Variants in ZNF536 observed in about 807,000 individuals in gnomAD.
The protein encoded by ZNF536 is zinc finger protein 536.
A neutral mutation model predicts 84.5 loss-of-function variants in ZNF536; 13 were observed. The ratio of observed to expected loss-of-function variants is 0.15; its 90% CI spans 0.10 to 0.24. The LOEUF is 0.24. Among genes scored for constraint, ZNF536 ranks in the 10% least tolerant of loss-of-function variants. The probability of loss-of-function intolerance (pLI) is 1.00; values close to 1 mark genes in which losing one functional copy is unlikely to be tolerated. For synonymous variants in ZNF536, 811 were observed against 742.5 expected (o/e 1.09, Z -1.50); for missense variants, 1,536 against 1,747.5 (o/e 0.88, Z 2.16).
chr19:30,533,761 G>T (rs967443874), intron 2 of ZNF536, among the ~76,000 whole-genome samples: 1 of 152,188 alleles, frequency 6.6e-6, no homozygotes, highest in Non-Finnish European at 1.5e-5. Context: ...AGGCCTAGAG[G>T]GTGGGCTGGA....
At chr19:30,342,341 T>C (rs533749578) in intron 2 of ZNF536, among the ~76,000 whole-genome samples, 1 of 152,340 alleles carries the variant, frequency 6.6e-6, no homozygotes, top group East Asian at 1.9e-4. Flanking sequence ...TATTTTGCTA[T>C]CTTAAATGGA....
chr19:30,689,003 C>T (rs1279571575), intron 1 of ZNF536, among the ~76,000 whole-genome samples: 2 of 152,208 alleles, frequency 1.3e-5, no homozygotes, highest in African/African-American at 4.8e-5. Flanking sequence ...ACAATATTGG[C>T]CCGCTCTGCT....
intron 2 of ZNF536, among the ~76,000 whole-genome samples, chr19:30,314,601 G>A (rs540410684): frequency 4.6e-5 from 7 of 152,290 alleles, no homozygotes; most frequent in African/African-American, 1.7e-4. Context: ...TTGGACTCAT[G>A]TTGTCAGGGT....
At chr19:30,374,160 A>G (rs1600443508) in intron 1 of ZNF536, among the ~76,000 whole-genome samples, 4 of 152,178 alleles carry the variant, frequency 2.6e-5, no homozygotes, top group African/African-American at 9.7e-5. Context: ...GAAGATAAGA[A>G]ATATTGCCCT....
At chr19:30,644,056 G>T (rs986771428) in intron 1 of ZNF536, among the ~76,000 whole-genome samples, 1 of 152,198 alleles carries the variant, frequency 6.6e-6, no homozygotes, top group Non-Finnish European at 1.5e-5. Context: ...AGAGACAAGT[G>T]TTTAAAATGG....
intron 1 of ZNF536, among the ~76,000 whole-genome samples, chr19:30,660,314 C>A (rs986271347): frequency 6.6e-6 from 1 of 152,152 alleles, no homozygotes; most frequent in Non-Finnish European, 1.5e-5. Flanking sequence ...TTCCGAGAGA[C>A]GTTGTTTGAC....
At chr19:30,700,240 C>CCTTCTTTCTTTCCTTCTTTCTTTCTT (rs1555843554) in intron 1 of ZNF536, among the ~76,000 whole-genome samples, 1 of 108,288 alleles carries the variant, frequency 9.2e-6, no homozygotes. Context: ...TTCTTTCTTT[C>CCTTCTTTCTTTCCTTCTTTCTTTCTT]TCTCTCTCTC....
chr19:30,629,314 C>T (rs2048802678), intron 1 of ZNF536, among the ~76,000 whole-genome samples: 1 of 152,152 alleles, frequency 6.6e-6, no homozygotes, highest in South Asian at 2.1e-4. Flanking sequence ...ATCCTCTTAC[C>T]TCAGACTCCT....
intron 2 of ZNF536, among the ~76,000 whole-genome samples, chr19:30,349,913 G>C (rs2047877343): frequency 6.6e-6 from 1 of 152,044 alleles, no homozygotes; most frequent in Admixed American, 6.5e-5. Context: ...TAAAATCTAA[G>C]TAGAATATGT....
At chr19:30,469,760 GGT>G (rs2053558660) in intron 2 of ZNF536, among the ~76,000 whole-genome samples, 1 of 152,060 alleles carries the variant, frequency 6.6e-6, no homozygotes, top group Non-Finnish European at 1.5e-5. Context: ...GTCCATCATG[GGT>G]GTGATAGGAG....
At chr19:30,456,711 C>T (rs889354819) in intron 2 of ZNF536, among the ~76,000 whole-genome samples, 15 of 152,114 alleles carry the variant, frequency 9.9e-5, no homozygotes, top group Non-Finnish European at 2.9e-5. Flanking sequence ...TAAGTGGCTT[C>T]TGAACACTGA....
intron 1 of ZNF536, among the ~76,000 whole-genome samples, chr19:30,650,578 G>A (rs2049663418): frequency 6.6e-6 from 1 of 151,762 alleles, no homozygotes. Flanking sequence ...AGCAAGGAGA[G>A]ATTTTTTTTC....
chr19:30,603,364 G>A (rs1013443178), intron 1 of ZNF536, among the ~76,000 whole-genome samples: 2 of 152,124 alleles, frequency 1.3e-5, no homozygotes, highest in Admixed American at 6.6e-5. Flanking sequence ...AAAACTTCTG[G>A]TACCTGGCTT....
At chr19:30,705,989 T>A (rs1387244169) in intron 1 of ZNF536, among the ~76,000 whole-genome samples, 1 of 152,138 alleles carries the variant, frequency 6.6e-6, no homozygotes, top group Non-Finnish European at 1.5e-5. Context: ...GGAAAAAAGG[T>A]ACTAAGTGCT....
intron 1 of ZNF536, among the ~76,000 whole-genome samples, chr19:30,412,832 T>C (rs1301374207): frequency 6.6e-6 from 1 of 152,058 alleles, no homozygotes; most frequent in East Asian, 1.9e-4. Flanking sequence ...TCTTTGAACT[T>C]CTGGTAAACT....
intron 1 of ZNF536, among the ~76,000 whole-genome samples, chr19:30,281,444 T>C (rs2045440237): frequency 1.3e-5 from 2 of 152,196 alleles, no homozygotes; most frequent in South Asian, 4.1e-4. Context: ...GACTCAACTC[T>C]GCCCCTCTCC....
chr19:30,402,791 T>TA (rs1265624736), intron 1 of ZNF536, among the ~76,000 whole-genome samples: 1 of 24,366 alleles, frequency 4.1e-5, no homozygotes, highest in Non-Finnish European at 2.6e-4. Flanking sequence ...TTTTTAAAAT[T>TA]AAAAAATATA....
intron 2 of ZNF536, among the ~76,000 whole-genome samples, chr19:30,338,483 G>GTGATGATGA (rs113886104): frequency 0.038 from 5,712 of 149,404 alleles, 289 homozygotes; most frequent in Admixed American, 0.15. Context: ...AATGATGATA[G>GTGATGATGA]TGATGATGAT....
chr19:30,662,764 C>T (rs751530163), intron 1 of ZNF536, among the ~76,000 whole-genome samples: 11 of 152,096 alleles, frequency 7.2e-5, no homozygotes, highest in Non-Finnish European at 1.2e-4. Context: ...GCTGCCCTGA[C>T]GGCCGGTCGG....
Sources: gnomAD v4.1 joint callset for allele counts (sites outside exome capture counted in the v4.1 genomes callset) on GRCh38, gnomAD v4.1.1 for gene constraint, MANE v1.5 for transcripts, NCBI Gene and HGNC (gene_info 2026-07-23, HGNC 2026-07-21) for gene names.